ZFAT: variants seen among roughly 807,000 people sequenced by gnomAD.
ZFAT encodes zinc finger protein ZFAT.
ZFAT carries 64 observed loss-of-function variants against 117.7 expected under a neutral mutation model. The observed-to-expected ratio is 0.54, with a 90% confidence interval of 0.44 to 0.67. ZFAT has a LOEUF of 0.67. Among genes scored for constraint, ZFAT ranks in the 30% least tolerant of loss-of-function variants. The probability of loss-of-function intolerance (pLI) is 0.00; values close to 1 mark genes in which losing one functional copy is unlikely to be tolerated. For missense variants in ZFAT, 1,433 were observed against 1,584.5 expected (o/e 0.90, Z 1.62); for synonymous variants, 679 against 615.0 (o/e 1.10, Z -1.54).
chr8:134,657,491 T>G, intron 2 of ZFAT, 70 bp downstream of exon 2: 1 of 1,428,542 alleles, frequency 7.0e-7, no homozygotes, highest in Non-Finnish European at 9.4e-7. Flanking sequence ...GCTTCTGCTA[T>G]GCCCACGGAG....
chr8:134,716,351 G>A (rs944655093), upstream of ZFAT, among the ~76,000 whole-genome samples: 4 of 152,074 alleles, frequency 2.6e-5, no homozygotes, highest in African/African-American at 9.7e-5. Context: ...AGTAATGCTA[G>A]AACTATATGA....
intron 1 of ZFAT, among the ~76,000 whole-genome samples, chr8:134,692,362 A>G (rs1162435008): frequency 6.6e-6 from 1 of 152,196 alleles, no homozygotes; most frequent in Non-Finnish European, 1.5e-5. Context: ...ACTGGAAGAA[A>G]GACTCTCGCT....
chr8:134,726,826 C>G, the ZFAT span, among the ~76,000 whole-genome samples: 1 of 151,746 alleles, frequency 6.6e-6, no homozygotes, highest in Non-Finnish European at 1.5e-5. Flanking sequence ...CCAGGCTGTT[C>G]TTGAACTCCT....
At chr8:134,535,443 A>G (rs984253412) in intron 11 of ZFAT, among the ~76,000 whole-genome samples, 1 of 151,358 alleles carries the variant, frequency 6.6e-6, no homozygotes, top group African/African-American at 2.4e-5. Flanking sequence ...AGTCTTGTCC[A>G]GCCTTCCTGG....
chr8:134,511,242 AGTGTGTGTGGGGGGT>A (rs1819816149), intron 14 of ZFAT, among the ~76,000 whole-genome samples: 1 of 151,538 alleles, frequency 6.6e-6, no homozygotes, highest in African/African-American at 2.4e-5. Context: ...TGAGAGTGAG[AGTGTGTGTGGGGGGT>A]GTGTGTGTGC....
At chr8:134,724,618 A>G in the ZFAT span, among the ~76,000 whole-genome samples, 12 of 151,900 alleles carry the variant, frequency 7.9e-5, no homozygotes, top group Non-Finnish European at 1.2e-4. Context: ...TAGGTGGCCA[A>G]CTGGTCTCGG....
At chr8:134,695,199 C>A (rs891363529) in intron 1 of ZFAT, among the ~76,000 whole-genome samples, 1 of 152,156 alleles carries the variant, frequency 6.6e-6, no homozygotes, top group Non-Finnish European at 1.5e-5. Flanking sequence ...CCACATCCTC[C>A]CCGGGAGGCA....
intron 15 of ZFAT, among the ~76,000 whole-genome samples, chr8:134,506,500 C>T (rs919754342): frequency 5.9e-5 from 9 of 152,184 alleles, no homozygotes; most frequent in African/African-American, 2.2e-4. Context: ...AAATCTTTTC[C>T]TTGTCTCTTT....
chr8:134,739,475 A>G, the ZFAT span, among the ~76,000 whole-genome samples: 11 of 152,350 alleles, frequency 7.2e-5, no homozygotes, highest in Admixed American at 5.2e-4. Flanking sequence ...AGGGCAGGTC[A>G]TAGCCTCTCT....
chr8:134,712,806 C>T (rs762987621), intron 1 of ZFAT, 39 bp downstream of exon 1: 10 of 886,616 alleles, frequency 1.1e-5, no homozygotes, highest in Non-Finnish European at 1.7e-5. Flanking sequence ...CCGCGCCCCA[C>T]CCCCACCCCG....
intron 15 of ZFAT, among the ~76,000 whole-genome samples, chr8:134,508,806 A>C (rs901933100): frequency 3.9e-5 from 6 of 152,254 alleles, no homozygotes; most frequent in Admixed American, 2.0e-4. Context: ...GAATCAATAC[A>C]GGACTGGCTA....
chr8:134,506,939 G>C (rs531714458), intron 15 of ZFAT, among the ~76,000 whole-genome samples: 4 of 152,178 alleles, frequency 2.6e-5, no homozygotes, highest in African/African-American at 9.6e-5. Flanking sequence ...TTTCTCTCCG[G>C]CAATACTGAT....
chr8:134,527,736 G>A (rs1328466741), intron 12 of ZFAT, among the ~76,000 whole-genome samples: 2 of 152,282 alleles, frequency 1.3e-5, no homozygotes, highest in East Asian at 3.9e-4. Context: ...AAGAAAAAGA[G>A]CAAAAGGGAA....
chr8:134,830,696 T>A, the ZFAT span, among the ~76,000 whole-genome samples: 1 of 152,234 alleles, frequency 6.6e-6, no homozygotes, highest in Non-Finnish European at 1.5e-5. Context: ...TAGATGAGAT[T>A]TAAATTTTAA....
intron 1 of ZFAT, among the ~76,000 whole-genome samples, chr8:134,684,193 C>T (rs1011539191): frequency 2.0e-5 from 3 of 152,150 alleles, no homozygotes; most frequent in Admixed American, 1.3e-4. Flanking sequence ...TGCCCATCCA[C>T]CCAGCTCCCT....
Position 134,686,113 on chromosome 8 carries a change from C to T in ZFAT, c.19+26732G>A, listed in dbSNP as rs559651149. On this transcript the variant is annotated intron_variant, in intron 1 of 15. Coordinates refer to ENST00000377838, the MANE Select transcript of ZFAT (RefSeq NM_020863.4). The stretch of plus-strand genomic sequence containing the variant: ...CTGACAGCTCAGGTGCCCTGGCCAG[C>T]CCCAGCAGGTAACTCAGACCAACTC... 3.9e-5 allele frequency among the ~76,000 whole-genome samples: 6 copies of T among 152,376 alleles called. No individual in the cohort carries two copies. The East Asian group carries it at 9.6e-4, about 24-fold the overall frequency.
chr8:134,809,349 C>T, the ZFAT span, among the ~76,000 whole-genome samples: 3 of 152,128 alleles, frequency 2.0e-5, no homozygotes, highest in African/African-American at 7.2e-5. Flanking sequence ...TCTTCAAAAC[C>T]ATTGATCTGA....
chr8:134,763,490 T>C, the ZFAT span, among the ~76,000 whole-genome samples: 1 of 152,212 alleles, frequency 6.6e-6, no homozygotes, highest in Non-Finnish European at 1.5e-5. Context: ...CCTCCCTAAC[T>C]AAAAATTCAG....
chr8:134,672,824 G>A (rs1169675057), intron 1 of ZFAT, among the ~76,000 whole-genome samples: 1 of 152,054 alleles, frequency 6.6e-6, no homozygotes, highest in Non-Finnish European at 1.5e-5. Flanking sequence ...ATTTTCAAAG[G>A]AAGAAAAACT....
Sources: gnomAD v4.1 joint callset for allele counts (sites outside exome capture counted in the v4.1 genomes callset) on GRCh38, gnomAD v4.1.1 for gene constraint, MANE v1.5 for transcripts, NCBI Gene and HGNC (gene_info 2026-07-23, HGNC 2026-07-21) for gene names.